NT5DC3: variants seen among roughly 807,000 people sequenced by gnomAD.
NT5DC3 encodes 5'-nucleotidase domain-containing protein 3.
NT5DC3 carries 42 observed loss-of-function variants against 67.8 expected under a neutral mutation model. That is an observed-to-expected ratio of 0.62 (90% confidence interval 0.48 to 0.80). NT5DC3 has a LOEUF of 0.80. NT5DC3 is among the 30% of genes least tolerant of loss of function. The probability of loss-of-function intolerance (pLI) is 0.00; values close to 1 mark genes in which losing one functional copy is unlikely to be tolerated. For missense variants in NT5DC3, 570 were observed against 696.4 expected, an observed-to-expected ratio of 0.82 and a Z score of 2.04; for synonymous variants, 237 against 255.6, an observed-to-expected ratio of 0.93 and a Z score of 0.69.
At position 103,793,459 on chromosome 12, in the gene NT5DC3, C is replaced by G. The variant is rs1404926555; in HGVS notation, c.868G>C (p.Asp290His). 7.4e-6 allele frequency: 12 copies of G among 1,614,086 alleles called. No homozygotes were observed. Among genetic ancestry groups the G allele is most frequent in the African/African-American group, 1.3e-5 (1 of 74,940 alleles). ...ATGAGAAACATCTTCTTGCCATGAT[C>G]AGCCAGTTTGGCCAACACTGCGCGG... ...QTRAVLAKLA[D>H]HGKKMFLITN... The change falls in exon 8 of 14, where the codon GAT becomes CAT. Residue 290 changes from aspartate to histidine, a missense_variant. Physicochemically the swap from Asp to His is moderately conservative, Grantham distance 81. This residue lies in a region of NT5DC3 where 466 missense variants were observed against 608.0 expected (regional missense o/e 0.77). Coordinates refer to ENST00000392876, the MANE Select transcript of NT5DC3 (RefSeq NM_001031701.3).
downstream of NT5DC3, among the ~76,000 whole-genome samples, chr12:103,768,426 C>T (rs962085065): frequency 2.0e-5 from 3 of 146,364 alleles, no homozygotes; most frequent in Admixed American, 6.9e-5. Context: ...CAGAGTAAGA[C>T]TCCATCCAAA....
the NT5DC3 span, among the ~76,000 whole-genome samples, chr12:103,748,619 C>T: frequency 0.072 from 3,227 of 44,782 alleles, 45 homozygotes; most frequent in African/African-American, 0.13. Context: ...CACACACACA[C>T]ACACACACAC....
chr12:103,809,243 T>C (rs1886929239), intron 2 of NT5DC3, among the ~76,000 whole-genome samples: 1 of 152,262 alleles, frequency 6.6e-6, no homozygotes, highest in African/African-American at 2.4e-5. Context: ...CCAACTATTT[T>C]AGTTGATTGC....
intron 13 of NT5DC3, among the ~76,000 whole-genome samples, chr12:103,778,513 A>G (rs1219249025): frequency 1.3e-5 from 2 of 152,196 alleles, no homozygotes; most frequent in Non-Finnish European, 2.9e-5. Flanking sequence ...CCTGGGCAAC[A>G]GAGCGAAACT....
chr12:103,759,136 T>C, the NT5DC3 span: 1 of 1,614,188 alleles, frequency 6.2e-7, no homozygotes, highest in African/African-American at 1.3e-5. Context: ...TTCTCAGACC[T>C]TGTCTGGGCG....
the NT5DC3 span, among the ~76,000 whole-genome samples, chr12:103,761,931 T>C: frequency 2.0e-5 from 3 of 152,038 alleles, no homozygotes; most frequent in Admixed American, 2.0e-4. Context: ...TGCTGGAGAG[T>C]TCCACAGCAT....
rs370498359 is a variant in NT5DC3, at chr12:103,796,897, G to A, written c.750C>T (p.Val250=). The A allele has an allele frequency of 2.0e-5, 33 of 1,614,118 alleles. No individual in the cohort carries two copies. In the African/African-American group the frequency reaches 3.3e-4, roughly 16 times the overall value. Residue 250 remains valine (V), a synonymous_variant, in exon 6 of 14, where the codon GTC becomes GTT. Coordinates refer to ENST00000392876, the MANE Select transcript of NT5DC3 (RefSeq NM_001031701.3). ...DYEPVHLYKD[V]KDSIRDVHIK... Reference sequence around the variant, plus strand: ...AATCTCTCACTGTGGATACAACCTTGACATCTTTGTACAGATGCACAGGCT... The same window carrying A: ...AATCTCTCACTGTGGATACAACCTTAACATCTTTGTACAGATGCACAGGCT...
chr12:103,798,053 G>C (rs939429103), intron 5 of NT5DC3, among the ~76,000 whole-genome samples: 1 of 152,190 alleles, frequency 6.6e-6, no homozygotes, highest in Admixed American at 6.5e-5. Flanking sequence ...TAGAATCATT[G>C]TAAGTCAGGG....
the NT5DC3 span, chr12:103,762,229 G>C: frequency 6.2e-7 from 1 of 1,607,062 alleles, no homozygotes; most frequent in Non-Finnish European, 8.5e-7. Flanking sequence ...CTTTTGGGGA[G>C]TCAGAAGTTT....
chr12:103,811,506 C>A (rs747294695), intron 2 of NT5DC3, among the ~76,000 whole-genome samples: 1 of 152,062 alleles, frequency 6.6e-6, no homozygotes, highest in Non-Finnish European at 1.5e-5. Flanking sequence ...ATAAGGAAAA[C>A]GCACATAGCA....
At chr12:103,834,492 T>A (rs1262974194) in intron 1 of NT5DC3, among the ~76,000 whole-genome samples, 2 of 152,128 alleles carry the variant, frequency 1.3e-5, no homozygotes, top group Non-Finnish European at 2.9e-5. Context: ...TAGTGTGCTA[T>A]CCTGGATGGC....
intron 12 of NT5DC3, among the ~76,000 whole-genome samples, chr12:103,781,175 G>GGA (rs1885534042): frequency 1.3e-5 from 2 of 152,170 alleles, no homozygotes; most frequent in African/African-American, 4.8e-5. Flanking sequence ...AGAATCCAAG[G>GGA]TGCACATGAT....
chr12:103,751,709 T>G, the NT5DC3 span, among the ~76,000 whole-genome samples: 1 of 152,184 alleles, frequency 6.6e-6, no homozygotes, highest in African/African-American at 2.4e-5. Flanking sequence ...TAGGACACAG[T>G]TCATTCAGCC....
chr12:103,790,982 C>A (rs533605625), intron 9 of NT5DC3, among the ~76,000 whole-genome samples: 44 of 152,248 alleles, frequency 2.9e-4, no homozygotes, highest in Admixed American at 7.2e-4. Flanking sequence ...AGCCACCGCA[C>A]CCGGCCAAGT....
chr12:103,760,727 T>C, the NT5DC3 span, among the ~76,000 whole-genome samples: 1 of 152,222 alleles, frequency 6.6e-6, no homozygotes, highest in South Asian at 2.1e-4. Context: ...AGGTAGCAAG[T>C]GCTTAATAAA....
Position 103,806,913 on chromosome 12 carries a change from C to G in NT5DC3, c.410G>C (p.Arg137Thr). Residue 137 changes from arginine (R) to threonine (T), a missense_variant, in exon 3 of 14, where the codon AGG becomes ACG. Physicochemically the swap from Arg to Thr is moderately conservative, Grantham distance 71 (BLOSUM62 -1). Coordinates refer to ENST00000392876, the MANE Select transcript of NT5DC3 (RefSeq NM_001031701.3). ...AAAATTTGGGTCATACTCATACTTCCTGATTTCTGCTGGATACTAAGAAAG... is the reference window on the plus strand; with the variant it reads ...AAAATTTGGGTCATACTCATACTTCGTGATTTCTGCTGGATACTAAGAAAG... ...INEHRYPAEI[R>T]KYEYDPNFAI... The G allele has an allele frequency of 6.2e-7, 1 of 1,600,394 alleles. No homozygotes were observed.
the NT5DC3 span, chr12:103,753,413 C>T: frequency 6.2e-7 from 1 of 1,610,236 alleles, no homozygotes. Context: ...AAGTGCAGCC[C>T]TTTCTTAAGA....
chr12:103,749,117 A>G, the NT5DC3 span: 3 of 1,610,544 alleles, frequency 1.9e-6, no homozygotes, highest in Non-Finnish European at 2.5e-6. Context: ...GCCTTAACGG[A>G]GGGTGTCACG....
At chr12:103,766,156 A>G (rs1243844225), downstream of NT5DC3, 1 of 1,283,606 alleles carries the variant, frequency 7.8e-7, no homozygotes, top group Non-Finnish European at 1.1e-6. Context: ...AGCACAAACA[A>G]ACACGCCCAG....
Sources: gnomAD v4.1 joint callset for allele counts (sites outside exome capture counted in the v4.1 genomes callset) on GRCh38, gnomAD v4.1.1 for gene constraint, gnomAD v4.1.1 regional missense constraint, MANE v1.5 for transcripts, NCBI Gene and HGNC (gene_info 2026-07-23, HGNC 2026-07-21) for gene names.